Variants in CHERP observed in about 807,000 individuals in gnomAD.
The protein encoded by CHERP is calcium homeostasis endoplasmic reticulum protein.
In CHERP, 8 loss-of-function variants were observed where a neutral mutation model predicts 113.8. The ratio of observed to expected loss-of-function variants is 0.07; its 90% confidence interval spans 0.04 to 0.13. CHERP has a LOEUF of 0.13. Ranked by LOEUF, CHERP falls within the 10% of genes least tolerant of loss-of-function variation. The pLI is 1.00. For missense variants in CHERP, 884 were observed against 1,298.2 expected (o/e 0.68, Z 4.90); for synonymous variants, 559 against 524.5 (o/e 1.07, Z -0.90).
rs764818958 is a variant in CHERP at position 16,528,250 on chromosome 19, T to C, written c.1135A>G (p.Ser379Gly). Residue 379 changes from serine (S) to glycine (G), a missense_variant, in exon 9 of 17, where the codon AGC (serine) becomes GGC (glycine). Ser to Gly is a moderately conservative substitution (Grantham distance 56). Coordinates refer to ENST00000546361, the MANE Select transcript of CHERP (RefSeq NM_006387.6). ...AIPPTTQPDD[S>G]KPPIQMPGSS... Reference sequence around the variant, plus strand: ...CCAGGCATCTGGATGGGAGGCTTGCTGTCATCTAAATCCAAGTGACAGGCA... The same window carrying C: ...CCAGGCATCTGGATGGGAGGCTTGCCGTCATCTAAATCCAAGTGACAGGCA... 8 of 1,576,396 alleles carry C rather than the reference T, an allele frequency of 5.1e-6. 1 individual carries two copies. Among genetic ancestry groups the C allele is most frequent in the Middle Eastern group, 1.7e-4 (1 of 5,832 alleles).
chr19:16,520,429 A>G lies in CHERP; in HGVS notation c.2280T>C (p.Ser760=). The change falls in exon 14 of 17, where the codon TCT becomes TCC. Residue 760 remains serine (S), a synonymous_variant. Coordinates refer to ENST00000546361, the MANE Select transcript of CHERP (RefSeq NM_006387.6). This position sits in a 1 kb window ranked among gnomAD's most constrained non-coding sequence, Gnocchi z 4.0. ...SSRSNSRSSK[S]SGSYSRSRSR... is the part of the protein sequence containing the mutation. The stretch of plus-strand genomic sequence containing the variant: ...ACCTTGACCTTGAGTACGAGCCTGA[A>G]GACTTGGAGGATCTTGAGTTGGAGC... 2 of 1,614,092 alleles carry G rather than the reference A, an allele frequency of 1.2e-6. No homozygotes were observed. The highest frequency in any genetic ancestry group is 1.7e-6 in the Non-Finnish European group (2 of 1,180,006).
chr19:16,520,620 G>C lies in CHERP; in HGVS notation c.2202-113C>G. ...ATGCAGGGGCTCTGGCTGTGGATGT[G>C]GCGCCATAGCCACAGCAACGGTACC... On this transcript the variant is annotated intron_variant, in intron 13 of 16. Coordinates refer to ENST00000546361, the MANE Select transcript of CHERP (RefSeq NM_006387.6). This position sits in a 1 kb window ranked among gnomAD's most constrained non-coding sequence, Gnocchi z 4.0. The C allele has an allele frequency of 7.6e-7, 1 of 1,310,962 alleles. No homozygotes were observed. The allele number at this position is 1,310,962 out of a possible 1,614,324, so 81.2% of individuals were successfully genotyped here.
Position 16,520,525 on chromosome 19 carries a change from A to AT in CHERP, c.2202-19dup. ...AGGGTCCGCTGTGGGGAGAGGCCTG[A>AT]TGATCAGGTGCCCCAGTGGATGGGC... On this transcript the variant is annotated intron_variant, in intron 13 of 16. Transcript: ENST00000546361. This position sits in a 1 kb window ranked among gnomAD's most constrained non-coding sequence, Gnocchi z 4.0. 6.2e-7 allele frequency: 1 copy of AT among 1,604,744 alleles called. No individual in the cohort carries two copies. Among genetic ancestry groups the AT allele is most frequent in the Non-Finnish European group, 8.5e-7 (1 of 1,175,006 alleles).
In CHERP at chr19:16,521,396, C is replaced by T. The variant is rs531679510; in HGVS notation, c.2114+125G>A. The T allele has an allele frequency of 1.5e-4, 122 of 812,552 alleles. No individual in the cohort carries two copies. In the East Asian group the frequency reaches 1.7e-3, roughly 11 times the overall value. The allele number at this position is 812,552 out of a possible 1,614,324, so 50.3% of individuals were successfully genotyped here. On this transcript the variant is annotated intron_variant, in intron 12 of 16. Coordinates refer to ENST00000546361, the MANE Select transcript of CHERP (RefSeq NM_006387.6). The stretch of plus-strand genomic sequence containing the variant: ...CTGTGACACACACTTGTCACTCAGG[C>T]GGGGGGAGGGCAGTTTCTCCTGAGG...
At position 16,525,480 on chromosome 19, in the gene CHERP, C is replaced by G; in HGVS notation, c.1503G>C (p.Glu501Asp). Residue 501 changes from glutamate (E) to aspartate (D), a missense_variant, in exon 10 of 17, where the codon GAG (glutamate) becomes GAC (aspartate). By Grantham distance (45) the Glu-to-Asp change is conservative. This residue lies in a region of CHERP where 464 missense variants were observed against 590.1 expected (regional missense o/e 0.79). Coordinates refer to ENST00000546361, the MANE Select transcript of CHERP (RefSeq NM_006387.6). The surrounding 1 kb of genome is among the most constrained non-coding windows in gnomAD (Gnocchi z 6.5). ...QFEGPWNSQH[E>D]QPPWGGGQRE... Reference sequence around the variant, plus strand: ...GCTGGCCCCCGCCCCAGGGCGGCTGCTCGTGCTGGCTGTTCCAGGGGCCCT... The same window carrying G: ...GCTGGCCCCCGCCCCAGGGCGGCTGGTCGTGCTGGCTGTTCCAGGGGCCCT... 1 of 1,552,360 alleles carries G rather than the reference C, an allele frequency of 6.4e-7. No homozygotes were observed. The highest frequency in any genetic ancestry group is 8.7e-7 in the Non-Finnish European group (1 of 1,149,586).
At position 16,532,523 on chromosome 19, in the gene CHERP, A is replaced by G; in HGVS notation, c.674+75T>C. 6.8e-7 allele frequency: 1 copy of G among 1,466,010 alleles called. No homozygotes were observed. The highest frequency in any genetic ancestry group is 1.3e-5 in the South Asian group (1 of 75,360). The allele number at this position is 1,466,010 out of a possible 1,614,324, so 90.8% of individuals were successfully genotyped here. On this transcript the variant is annotated intron_variant, in intron 5 of 16. Transcript: ENST00000546361. This position sits in a 1 kb window ranked among gnomAD's most constrained non-coding sequence, Gnocchi z 4.4. ...CAGGCCAAGCCAAGCTACCGACCGG[A>G]GCAAGCGGCCACCCAGGAGGGTTGA... is the stretch of plus-strand genomic sequence containing the variant.
In CHERP at chr19:16,518,117, T is replaced by C. The variant is rs2085562833; in HGVS notation, c.*1042A>G. The C allele has an allele frequency of 6.6e-6, 1 of 152,122 alleles. No homozygotes were observed. The highest frequency in any genetic ancestry group is 1.5e-5 in the Non-Finnish European group (1 of 68,016). The allele number at this position is 152,122 out of a possible 1,614,324, so 9.4% of individuals were successfully genotyped here. On this transcript the variant is annotated 3_prime_UTR_variant, in exon 17 of 17. Coordinates refer to ENST00000546361, the MANE Select transcript of CHERP (RefSeq NM_006387.6). ...AATGTTTCTGTACAAATGAATGGAA[T>C]TGCACCAGGCTGCCCATGGACACCA...
chr19:16,529,561 G>C, intron 8 of CHERP, 87 bp downstream of exon 8: 1 of 1,442,330 alleles, frequency 6.9e-7, no homozygotes, highest in Admixed American at 2.0e-5. Flanking sequence ...TGAGTCTGAG[G>C]GTGGCAGACT....
intron 8 of CHERP, among the ~76,000 whole-genome samples, chr19:16,528,508 G>A (rs914746783): frequency 6.6e-6 from 1 of 152,146 alleles, no homozygotes; most frequent in African/African-American, 2.4e-5. Context: ...CTGCCTTCTT[G>A]GTTTGCTGAA....
intron 2 of CHERP, among the ~76,000 whole-genome samples, chr19:16,539,151 T>C (rs1443854153): frequency 6.7e-6 from 1 of 149,582 alleles, no homozygotes; most frequent in African/African-American, 2.4e-5. Context: ...AAACGGTTTT[T>C]TTTTTTTTTT....
intron 9 of CHERP, 49 bp downstream of exon 9, chr19:16,528,031 T>C: frequency 6.3e-7 from 1 of 1,584,810 alleles, no homozygotes; most frequent in Non-Finnish European, 8.6e-7. Context: ...GGCTACCCCA[T>C]CAGGCCAAGT....
At position 16,518,680 on chromosome 19, in the gene CHERP, T is replaced by C. The variant is rs2085572760; in HGVS notation, c.*479A>G. Reference sequence around the variant, plus strand: ...GCAGTCATGGCACTGGGCTTCGGCTTTGTCCCTACACAGCCGAGGGGAAGC... The same window carrying C: ...GCAGTCATGGCACTGGGCTTCGGCTCTGTCCCTACACAGCCGAGGGGAAGC... On this transcript the variant is annotated 3_prime_UTR_variant, in exon 17 of 17. Transcript: ENST00000546361. The C allele has an allele frequency of 6.3e-6, 1 of 158,580 alleles. No homozygotes were observed. 9.8% of individuals were successfully genotyped at this position (158,580 alleles called of 1,614,324 possible). A position where few individuals can be genotyped will look rare whatever the true frequency, so the allele number is the denominator to read the frequency against.
At chr19:16,536,535 CTCAAG>C (rs1181846528) in intron 2 of CHERP, among the ~76,000 whole-genome samples, 4 of 152,276 alleles carry the variant, frequency 2.6e-5, no homozygotes, top group South Asian at 2.1e-4. Context: ...TCACTGGGCG[CTCAAG>C]TCAAGTCTCG....
At chr19:16,531,608 G>A (rs577762788) in intron 5 of CHERP, among the ~76,000 whole-genome samples, 7 of 152,378 alleles carry the variant, frequency 4.6e-5, no homozygotes, top group African/African-American at 1.7e-4. Context: ...AGCAGCACTT[G>A]GCTTCGGACA....
At position 16,535,694 on chromosome 19, in the gene CHERP, C is replaced by T. The variant is rs2085736945; in HGVS notation, c.200-58G>A. The T allele has an allele frequency of 3.5e-6, 5 of 1,421,778 alleles. No individual in the cohort carries two copies. The South Asian group carries it at 7.3e-5, about 21-fold the overall frequency. The allele number at this position is 1,421,778 out of a possible 1,614,324, so 88.1% of individuals were successfully genotyped here. A position where few individuals can be genotyped will look rare whatever the true frequency, so the allele number is the denominator to read the frequency against. On this transcript the variant is annotated intron_variant, in intron 2 of 16. Coordinates refer to ENST00000546361, the MANE Select transcript of CHERP (RefSeq NM_006387.6). The surrounding 1 kb of genome is among the most constrained non-coding windows in gnomAD (Gnocchi z 4.3). ...AATGCAGATGGGGGTCTAGGTGTCCCCTTGGCCACCTCTCAGCCACAGGGG... is the reference window on the plus strand; with the variant it reads ...AATGCAGATGGGGGTCTAGGTGTCCTCTTGGCCACCTCTCAGCCACAGGGG...
chr19:16,542,227 A>T, intron 1 of CHERP, 127 bp downstream of exon 1: 2 of 1,082,902 alleles, frequency 1.8e-6, no homozygotes, highest in Non-Finnish European at 2.5e-6. Context: ...CCCACGGGAG[A>T]GGCCGCAGGC....
chr19:16,542,323 G>T, intron 1 of CHERP, 31 bp downstream of exon 1: 1 of 1,412,386 alleles, frequency 7.1e-7, no homozygotes. Context: ...CGGGGAGAGA[G>T]AAACGGTCTC....
chr19:16,537,276 T>C (rs1235045097), intron 2 of CHERP, among the ~76,000 whole-genome samples: 2 of 149,402 alleles, frequency 1.3e-5, no homozygotes, highest in African/African-American at 5.0e-5. Flanking sequence ...GTTCGCCCCC[T>C]CAGTCCCTTT....
At chr19:16,541,339 C>T (rs1201767889) in intron 2 of CHERP, 1 of 152,432 alleles carries the variant, frequency 6.6e-6, no homozygotes, top group Non-Finnish European at 1.5e-5. Context: ...AGCTCTGCTT[C>T]CTAACTTTAA....
Sources: gnomAD v4.1 joint callset for allele counts (sites outside exome capture counted in the v4.1 genomes callset) on GRCh38, gnomAD v4.1.1 for gene constraint, gnomAD v4.1.1 regional missense constraint, Gnocchi (gnomAD v3.1) non-coding constraint, MANE v1.5 for transcripts, NCBI Gene and HGNC (gene_info 2026-07-23, HGNC 2026-07-21) for gene names.